SLC2A14: variants seen among roughly 807,000 people sequenced by gnomAD.
SLC2A14 encodes solute carrier family 2, facilitated glucose transporter member 14.
SLC2A14 carries 13 observed loss-of-function variants against 43.0 expected under a neutral mutation model. That is an observed-to-expected ratio of 0.30 (90% CI 0.20 to 0.48). The LOEUF (loss-of-function observed/expected upper bound fraction) is 0.48, where lower values mean the gene tolerates loss of function less well. Among genes scored for constraint, SLC2A14 ranks in the 20% least tolerant of loss-of-function variants. The pLI is 0.99. For synonymous variants in SLC2A14, 190 were observed against 233.8 expected (o/e 0.81, Z 1.71); for missense variants, 428 against 620.4 (o/e 0.69, Z 3.29).
chr12:7,824,151 G>C lies in SLC2A14; in HGVS notation c.865-2826C>G, dbSNP rs1023402084. Among the ~76,000 whole-genome samples, 6 of 151,952 alleles carry C rather than the reference G, an allele frequency of 3.9e-5. No homozygotes were observed. The South Asian group carries it at 6.2e-4, about 16-fold the overall frequency. ...GGTGCCTGTAGTCCCAGCTACTCAG[G>C]AGGCTGAGACAGGAGAATTGCTTGA... On this transcript the variant is annotated intron_variant, in intron 7 of 10. Transcript: ENST00000431042.
In SLC2A14 at chr12:7,828,735, A is replaced by C. The variant is rs994899240; in HGVS notation, c.645T>G (p.Ile215Met). 1 of 1,614,044 alleles carries C rather than the reference A, an allele frequency of 6.2e-7. No individual in the cohort carries two copies. The highest frequency in any genetic ancestry group is 8.5e-7 in the Non-Finnish European group (1 of 1,179,970). The change falls in exon 6 of 11, where the codon ATT (isoleucine) becomes ATG (methionine). Residue 215 changes from isoleucine to methionine, a missense_variant. By Grantham distance (10) the Ile-to-Met change is conservative. Transcript: ENST00000431042. ...TAGCATTCTCCTCTTTTTTTCTGTT[A>C]ATGAGCAAAAATCTGGGACTTTCAG... ...CCPESPRFLLINRKKEENATR... is the reference protein window; with the variant it reads ...CCPESPRFLLMNRKKEENATR...
At chr12:7,834,072 A>G (rs908796426) in intron 2 of SLC2A14, among the ~76,000 whole-genome samples, 10 of 152,126 alleles carry the variant, frequency 6.6e-5, no homozygotes, top group African/African-American at 2.2e-4. Flanking sequence ...TGTCTCAGTC[A>G]CAACTAAGCA....
intron 1 of SLC2A14, 38 bp downstream of exon 1, chr12:7,872,769 C>T (rs1307547244): frequency 2.0e-6 from 2 of 985,402 alleles, no homozygotes; most frequent in Non-Finnish European, 2.4e-6. Context: ...TCCTCATTCC[C>T]GCACCCCCCG....
At chr12:7,829,168 C>T (rs1011100289) in intron 5 of SLC2A14, among the ~76,000 whole-genome samples, 25 of 152,074 alleles carry the variant, frequency 1.6e-4, no homozygotes, top group Middle Eastern at 3.4e-3. Flanking sequence ...GCCGAGATCG[C>T]GCCACTGCCC....
rs757214287 is a variant in SLC2A14, at chr12:7,842,850, TC to T, written c.19-10037del. 3.8e-3 allele frequency among the ~76,000 whole-genome samples: 571 copies of T among 151,868 alleles called. 4 individuals carry two copies. The highest frequency in any genetic ancestry group is 0.012 in the African/African-American group (517 of 41,406). ...TTCAAGTGATTCTCCTGCCTCAGCC[TC>T]CCGAGTAGCTGTGATTACAGCCATG... On this transcript the variant is annotated intron_variant, in intron 2 of 10. Coordinates refer to ENST00000431042, the MANE Select transcript of SLC2A14 (RefSeq NM_001286234.2).
intron 1 of SLC2A14, chr12:7,890,989 C>T (rs1945767508): frequency 6.5e-7 from 1 of 1,533,942 alleles, no homozygotes; most frequent in Non-Finnish European, 8.7e-7. Flanking sequence ...TATCTAGTTC[C>T]ACTTACCTCC....
Position 7,817,954 on chromosome 12 carries a change from G to A in SLC2A14, c.1152C>T (p.Pro384=). Residue 384 remains proline, a synonymous_variant, in exon 10 of 11, where the codon CCC becomes CCT. Transcript: ENST00000431042. ...FVACFEIGPG[P]IPWFIVAELF... ...GTTCGGCCACAATAAACCAGGGAAT[G>A]GGGCCTGGTCCAATTTCAAAACAGG... The A allele has an allele frequency of 6.2e-7, 1 of 1,614,152 alleles. No individual in the cohort carries two copies. Among genetic ancestry groups the A allele is most frequent in the African/African-American group, 1.3e-5 (1 of 75,038 alleles).
rs924337309 is a variant in SLC2A14 at position 7,891,009 on chromosome 12, C to G, written c.119G>C (p.Gly40Ala). The G allele has an allele frequency of 3.3e-6, 5 of 1,534,436 alleles. No homozygotes were observed. In the African/African-American group the frequency reaches 6.8e-5, roughly 21 times the overall value. ...AGTTCCACTTACCTCCTCCCCGACG[C>G]CCCCATTCTGACTCTTCTCCAGAGT... Residue 40 changes from glycine to alanine, a missense_variant, in exon 1 of 10, where the codon GGC becomes GCC. Coordinates refer to the SLC2A14 transcript ENST00000539924.
intron 2 of SLC2A14, among the ~76,000 whole-genome samples, chr12:7,857,965 A>C (rs1289262242): frequency 6.6e-6 from 1 of 152,070 alleles, no homozygotes; most frequent in Non-Finnish European, 1.5e-5. Flanking sequence ...CTTTACTAAA[A>C]ACAACAAAAA....
In SLC2A14 at chr12:7,860,096, C is replaced by A. The variant is rs762393175; in HGVS notation, c.18+9767G>T. ...CCTTGGTATTACCAGAGCTGGTTAG[C>A]AGTTGGCCACCAGGTGGCAGTGTAT... On this transcript the variant is annotated intron_variant, in intron 2 of 10. Transcript: ENST00000431042. 6.6e-5 allele frequency among the ~76,000 whole-genome samples: 10 copies of A among 152,220 alleles called. No homozygotes were observed. The South Asian group carries it at 1.9e-3, about 28-fold the overall frequency.
In SLC2A14 at chr12:7,890,534, A is replaced by T. The variant is rs143175932; in HGVS notation, c.132+462T>A. On this transcript the variant is annotated intron_variant, in intron 1 of 9. Coordinates refer to the SLC2A14 transcript ENST00000539924. ...ATTGTTTTTTTGGTTTATTTTGATCAACTCTACTAAATTGTTAGCTCATTT... is the reference window on the plus strand; with the variant it reads ...ATTGTTTTTTTGGTTTATTTTGATCTACTCTACTAAATTGTTAGCTCATTT... Among the ~76,000 whole-genome samples, 131 of 152,124 alleles carry T rather than the reference A, an allele frequency of 8.6e-4. 1 individual carries two copies. The highest frequency in any genetic ancestry group is 3.0e-3 in the African/African-American group (123 of 41,500).
intron 6 of SLC2A14, 48 bp downstream of exon 6, chr12:7,828,656 C>CT (rs547283643): frequency 1.5e-5 from 24 of 1,599,656 alleles, no homozygotes; most frequent in South Asian, 1.3e-4. Context: ...ACCCTTAAAA[C>CT]AAACCACAAC....
intron 8 of SLC2A14, among the ~76,000 whole-genome samples, chr12:7,820,506 T>C (rs1253627359): frequency 6.6e-6 from 1 of 152,130 alleles, no homozygotes. Context: ...CAGAATTAAA[T>C]CACAGGACAC....
intron 1 of SLC2A14, among the ~76,000 whole-genome samples, chr12:7,885,924 G>T (rs181098312): frequency 6.6e-6 from 1 of 152,020 alleles, no homozygotes; most frequent in Non-Finnish European, 1.5e-5. Context: ...CTGGTTCATA[G>T]ATACATATGT....
chr12:7,882,092 C>G (rs1046051936), intron 1 of SLC2A14, among the ~76,000 whole-genome samples: 1 of 152,058 alleles, frequency 6.6e-6, no homozygotes, highest in Non-Finnish European at 1.5e-5. Flanking sequence ...CACTTGGAGG[C>G]TTTGTTCTTT....
intron 1 of SLC2A14, among the ~76,000 whole-genome samples, chr12:7,882,784 C>T (rs1395926992): frequency 6.6e-6 from 1 of 152,010 alleles, no homozygotes; most frequent in Admixed American, 6.6e-5. Flanking sequence ...CTGCAGTGAG[C>T]TGAGATCTGG....
intron 2 of SLC2A14, among the ~76,000 whole-genome samples, chr12:7,867,290 A>AC (rs1336291546): frequency 8.1e-5 from 10 of 123,544 alleles, no homozygotes; most frequent in African/African-American, 2.1e-4. Flanking sequence ...CAAAAAAAAA[A>AC]AAAAAAAAAA....
At chr12:7,856,869 G>T (rs911979901) in intron 2 of SLC2A14, among the ~76,000 whole-genome samples, 2 of 149,704 alleles carry the variant, frequency 1.3e-5, no homozygotes, top group Non-Finnish European at 3.0e-5. Context: ...ACAGAGTCTC[G>T]CCCTGTCGCT....
intron 1 of SLC2A14, among the ~76,000 whole-genome samples, chr12:7,884,738 T>C (rs954895241): frequency 6.6e-6 from 1 of 152,168 alleles, no homozygotes; most frequent in Non-Finnish European, 1.5e-5. Flanking sequence ...TTCTGGGCTG[T>C]TAATATGCTG....
Sources: gnomAD v4.1 joint callset for allele counts (sites outside exome capture counted in the v4.1 genomes callset) on GRCh38, gnomAD v4.1.1 for gene constraint, MANE v1.5 for transcripts, NCBI Gene and HGNC (gene_info 2026-07-23, HGNC 2026-07-21) for gene names.